The following SLC44A5 variants were observed in gnomAD, a reference collection of about 807,000 sequenced individuals.
The protein encoded by SLC44A5 is solute carrier family 44 member 5, also known as choline transporter-like protein 5.
Under a neutral mutation model 101.8 loss-of-function variants are expected in SLC44A5, and 57 were observed. That is an observed-to-expected ratio of 0.56 (90% confidence interval 0.45 to 0.70). The LOEUF (loss-of-function observed/expected upper bound fraction) is 0.70. SLC44A5 is among the 30% of genes least tolerant of loss of function. SLC44A5 has a pLI of 0.00. For missense variants in SLC44A5, 737 were observed against 853.1 expected (o/e 0.86, Z 1.70); for synonymous variants, 281 against 290.9 (o/e 0.97, Z 0.35).
the SLC44A5 span, among the ~76,000 whole-genome samples, chr1:75,650,942 CT>C: frequency 6.6e-6 from 1 of 152,208 alleles, no homozygotes; most frequent in African/African-American, 2.4e-5. Context: ...AATAATAAAA[CT>C]GCTCAGATGT....
chr1:75,277,959 C>T (rs1377169393), intron 5 of SLC44A5, among the ~76,000 whole-genome samples: 1 of 152,124 alleles, frequency 6.6e-6, no homozygotes, highest in African/African-American at 2.4e-5. Flanking sequence ...CAGCAGCCAT[C>T]ATTTTGTCCC....
At chr1:75,343,857 CT>C (rs1444631042) in intron 3 of SLC44A5, among the ~76,000 whole-genome samples, 2 of 152,108 alleles carry the variant, frequency 1.3e-5, no homozygotes, top group Admixed American at 1.3e-4. Flanking sequence ...AGAAAGGGTT[CT>C]GTTTTCCTCT....
intron 2 of SLC44A5, among the ~76,000 whole-genome samples, chr1:75,473,293 A>C (rs1667209477): frequency 6.6e-6 from 1 of 152,184 alleles, no homozygotes; most frequent in Non-Finnish European, 1.5e-5. Flanking sequence ...GAATTGGATA[A>C]AGCTTTTAAA....
At chr1:75,428,801 T>C (rs531899934) in intron 2 of SLC44A5, among the ~76,000 whole-genome samples, 18 of 152,210 alleles carry the variant, frequency 1.2e-4, no homozygotes, top group Admixed American at 7.2e-4. Context: ...ATCTGAGAGA[T>C]TGTCTACGCA....
chr1:75,420,985 C>A (rs1913118), intron 2 of SLC44A5, among the ~76,000 whole-genome samples: 14,946 of 151,830 alleles, frequency 0.098, 907 homozygotes, highest in Admixed American at 0.19. Flanking sequence ...ATGAAAATAG[C>A]AAGCATTTAG....
At chr1:75,633,113 A>C in the SLC44A5 span, among the ~76,000 whole-genome samples, 4 of 152,096 alleles carry the variant, frequency 2.6e-5, no homozygotes, top group Non-Finnish European at 5.9e-5. Context: ...TTACTCAACA[A>C]ATGTTTGTTG....
intron 12 of SLC44A5, among the ~76,000 whole-genome samples, chr1:75,229,081 T>C (rs1250291702): frequency 6.6e-6 from 1 of 152,022 alleles, no homozygotes; most frequent in African/African-American, 2.4e-5. Context: ...TGTGGAATCA[T>C]TCTCCTTCTT....
At chr1:75,466,410 A>C (rs549635983) in intron 2 of SLC44A5, among the ~76,000 whole-genome samples, 1 of 152,104 alleles carries the variant, frequency 6.6e-6, no homozygotes, top group Non-Finnish European at 1.5e-5. Flanking sequence ...TAATCCCAGC[A>C]CTTTGGCAGG....
intron 1 of SLC44A5, 104 bp from the exon 2 acceptor site, chr1:75,541,620 C>G: frequency 1.6e-6 from 1 of 629,698 alleles, no homozygotes; most frequent in Non-Finnish European, 2.6e-6. Flanking sequence ...ATAATTTACT[C>G]TCCCCAAAAA....
chr1:75,355,880 G>A (rs951514974), intron 3 of SLC44A5, among the ~76,000 whole-genome samples: 2 of 152,006 alleles, frequency 1.3e-5, no homozygotes, highest in Non-Finnish European at 2.9e-5. Context: ...AAAAAACCCA[G>A]TAAATTGTAA....
intron 23 of SLC44A5, chr1:75,204,366 A>G (rs1042766879): frequency 2.6e-5 from 4 of 152,184 alleles, no homozygotes; most frequent in African/African-American, 9.7e-5. Context: ...TTTTTATTCT[A>G]CATATTTCAA....
chr1:75,520,674 A>G (rs898186161), intron 2 of SLC44A5, among the ~76,000 whole-genome samples: 9 of 152,210 alleles, frequency 5.9e-5, no homozygotes, highest in African/African-American at 2.2e-4. Context: ...AGAAATAATA[A>G]TTTTGGTCTG....
the SLC44A5 span, among the ~76,000 whole-genome samples, chr1:75,669,479 A>C: frequency 2.0e-5 from 3 of 152,222 alleles, no homozygotes; most frequent in Non-Finnish European, 4.4e-5. Context: ...CACCCAGTGG[A>C]GGACACAAAT....
At chr1:75,452,815 G>T (rs1665979489) in intron 2 of SLC44A5, among the ~76,000 whole-genome samples, 2 of 152,050 alleles carry the variant, frequency 1.3e-5, no homozygotes, top group Non-Finnish European at 2.9e-5. Context: ...AAAATTATTA[G>T]GGATTCAACT....
chr1:75,700,580 C>T, the SLC44A5 span, among the ~76,000 whole-genome samples: 1 of 152,162 alleles, frequency 6.6e-6, no homozygotes, highest in Non-Finnish European at 1.5e-5. Context: ...GACACTCTAA[C>T]ATCACAATTA....
intron 2 of SLC44A5, among the ~76,000 whole-genome samples, chr1:75,532,666 C>T (rs1458928044): frequency 2.0e-5 from 3 of 152,154 alleles, no homozygotes; most frequent in African/African-American, 7.2e-5. Context: ...TATAAAACTG[C>T]CAAAGATTTT....
chr1:75,462,050 G>A (rs544569610), intron 2 of SLC44A5, among the ~76,000 whole-genome samples: 1 of 152,342 alleles, frequency 6.6e-6, no homozygotes, highest in Non-Finnish European at 1.5e-5. Flanking sequence ...ATAGGCCATA[G>A]CCAGGGAGTA....
intron 6 of SLC44A5, among the ~76,000 whole-genome samples, chr1:75,266,910 C>T (rs986258116): frequency 6.6e-6 from 1 of 152,184 alleles, no homozygotes; most frequent in African/African-American, 2.4e-5. Flanking sequence ...AAATCAAGAT[C>T]TTGTGCCAGA....
intron 4 of SLC44A5, among the ~76,000 whole-genome samples, chr1:75,319,798 A>T (rs2100952459): frequency 6.6e-6 from 1 of 152,322 alleles, no homozygotes. Context: ...AGGCTTTCAA[A>T]ATATAACAGA....
Sources: allele counts gnomAD v4.1 joint callset (sites outside exome capture counted in the v4.1 genomes callset), GRCh38; gene constraint gnomAD v4.1.1; transcripts MANE v1.5; gene names NCBI Gene and HGNC (gene_info 2026-07-23, HGNC 2026-07-21).